CAMTA1: variants seen among roughly 807,000 people sequenced by gnomAD.
CAMTA1 encodes the protein calmodulin-binding transcription activator 1.
A neutral mutation model predicts 170.9 loss-of-function variants in CAMTA1; 27 were observed. That is an observed-to-expected ratio of 0.16 (90% CI 0.12 to 0.22). The LOEUF (loss-of-function observed/expected upper bound fraction) is 0.22, where lower values mean the gene tolerates loss of function less well. Among genes scored for constraint, CAMTA1 ranks in the 10% least tolerant of loss-of-function variants. The pLI, the probability that CAMTA1 is intolerant of heterozygous loss-of-function variation, is 1.00. For missense variants in CAMTA1, 1,619 were observed against 2,217.2 expected (o/e 0.73, Z 5.42); for synonymous variants, 833 against 891.5 (o/e 0.93, Z 1.17).
At position 7,635,578 on chromosome 1, in the gene CAMTA1, C is replaced by T. The variant is rs2095705313; in HGVS notation, c.511-4822C>T. ...GAGCCGAGATCGCGCCACTGCACTC[C>T]AGCCTGGGGGACAGAGCAAGACTCC... On this transcript the variant is annotated intron_variant, in intron 6 of 22. Transcript: ENST00000303635. The surrounding 1 kb of genome is among the most constrained non-coding windows in gnomAD (Gnocchi z 4.4). 6.7e-6 allele frequency among the ~76,000 whole-genome samples: 1 copy of T among 148,636 alleles called. No individual in the cohort carries two copies. Among genetic ancestry groups the T allele is most frequent in the Non-Finnish European group, 1.5e-5 (1 of 67,694 alleles).
chr1:7,579,189 C>T (rs535734223), intron 6 of CAMTA1, among the ~76,000 whole-genome samples: 1 of 152,364 alleles, frequency 6.6e-6, no homozygotes, highest in Admixed American at 6.5e-5. Context: ...GGCACCAAGG[C>T]TGCCCCTCCA....
At chr1:7,341,391 C>T (rs755669091) in intron 5 of CAMTA1, among the ~76,000 whole-genome samples, 3 of 152,256 alleles carry the variant, frequency 2.0e-5, no homozygotes, top group Non-Finnish European at 2.9e-5. Context: ...GAATGAGACA[C>T]CCGCCAGGAG....
intron 3 of CAMTA1, among the ~76,000 whole-genome samples, chr1:7,048,944 A>G (rs964477894): frequency 4.6e-5 from 7 of 152,202 alleles, no homozygotes; most frequent in Non-Finnish European, 7.3e-5. Flanking sequence ...CAGCTTTAGG[A>G]ATTAGTTTAA....
At chr1:7,281,311 T>A (rs1056868815) in intron 5 of CAMTA1, among the ~76,000 whole-genome samples, 34 of 152,344 alleles carry the variant, frequency 2.2e-4, no homozygotes, top group Admixed American at 1.5e-3. Flanking sequence ...GGTATATATT[T>A]AATAAATTGA....
At chr1:6,873,752 ACATT>A (rs940460294) in intron 3 of CAMTA1, among the ~76,000 whole-genome samples, 4 of 152,266 alleles carry the variant, frequency 2.6e-5, no homozygotes, top group African/African-American at 9.6e-5. Context: ...GTACATGGAC[ACATT>A]TATGGCTTAT....
chr1:7,047,240 A>G (rs1705537919), intron 3 of CAMTA1, among the ~76,000 whole-genome samples: 2 of 152,170 alleles, frequency 1.3e-5, no homozygotes, highest in Admixed American at 6.5e-5. Flanking sequence ...GTTAGGGTCA[A>G]TTGTTATTGT....
At chr1:7,314,735 A>C (rs965030329) in intron 5 of CAMTA1, among the ~76,000 whole-genome samples, 1 of 152,132 alleles carries the variant, frequency 6.6e-6, no homozygotes, top group Non-Finnish European at 1.5e-5. Flanking sequence ...CTATTGACAA[A>C]TCTTTCACAT....
intron 5 of CAMTA1, among the ~76,000 whole-genome samples, chr1:7,404,955 TG>T (rs2090184688): frequency 6.6e-6 from 1 of 152,214 alleles, no homozygotes; most frequent in African/African-American, 2.4e-5. Context: ...TTCTGTTTTT[TG>T]TTTTTTTTAG....
At position 7,685,589 on chromosome 1, in the gene CAMTA1, C is replaced by T. The variant is rs1244809048; in HGVS notation, c.2914+7856C>T. ...ACTCCCCTGCTTGCTCCTCAGTCTC[C>T]AAGCTTCTCCTTCCAAAATTCTCTG... is the stretch of plus-strand genomic sequence containing the variant. On this transcript the variant is annotated intron_variant, in intron 11 of 22. Transcript: ENST00000303635. This position sits in a 1 kb window ranked among gnomAD's most constrained non-coding sequence, Gnocchi z 5.7. 1.3e-5 allele frequency among the ~76,000 whole-genome samples: 2 copies of T among 152,170 alleles called. No individual in the cohort carries two copies. Among genetic ancestry groups the T allele is most frequent in the African/African-American group, 4.8e-5 (2 of 41,432 alleles).
At chr1:7,132,075 A>G (rs986789929) in intron 4 of CAMTA1, among the ~76,000 whole-genome samples, 12 of 151,292 alleles carry the variant, frequency 7.9e-5, no homozygotes, top group Admixed American at 2.6e-4. Context: ...ACACACACGC[A>G]CACACACTCC....
At chr1:7,726,894 T>C (rs2096691436) in intron 11 of CAMTA1, among the ~76,000 whole-genome samples, 1 of 152,214 alleles carries the variant, frequency 6.6e-6, no homozygotes, top group Admixed American at 6.5e-5. Context: ...CTGAGCCTCA[T>C]GTGCCCATGG....
intron 5 of CAMTA1, among the ~76,000 whole-genome samples, chr1:7,276,297 A>ATTTTTT (rs1431072819): frequency 9.3e-5 from 2 of 21,556 alleles, no homozygotes; most frequent in African/African-American, 5.0e-4. Context: ...ATATATATAT[A>ATTTTTT]TATATATTTT....
intron 6 of CAMTA1, among the ~76,000 whole-genome samples, chr1:7,613,426 C>A (rs1398521131): frequency 6.6e-6 from 1 of 152,006 alleles, no homozygotes; most frequent in Non-Finnish European, 1.5e-5. Flanking sequence ...CTGGGTGGTC[C>A]CCCAGGCCGT....
At chr1:6,826,151 A>G (rs991330364) in intron 3 of CAMTA1, among the ~76,000 whole-genome samples, 5 of 152,190 alleles carry the variant, frequency 3.3e-5, no homozygotes, top group African/African-American at 1.2e-4. Flanking sequence ...GGCGCTAACT[A>G]CTTCCTGATT....
intron 3 of CAMTA1, among the ~76,000 whole-genome samples, chr1:6,830,502 C>CAT: frequency 6.6e-6 from 1 of 151,978 alleles, no homozygotes; most frequent in East Asian, 1.9e-4. Context: ...CGCCACCATG[C>CAT]CTGGCTAATT....
chr1:7,086,962 CTTGTGT>C (rs1640825962), intron 3 of CAMTA1, among the ~76,000 whole-genome samples: 6 of 152,206 alleles, frequency 3.9e-5, no homozygotes, highest in African/African-American at 1.4e-4. Flanking sequence ...TCAAGCCAGA[CTTGTGT>C]TTGAGGGGCT....
intron 5 of CAMTA1, among the ~76,000 whole-genome samples, chr1:7,318,086 C>T (rs1677806994): frequency 6.6e-6 from 1 of 152,328 alleles, no homozygotes; most frequent in South Asian, 2.1e-4. Context: ...GACGGCAAGG[C>T]TGACGTCAGG....
At chr1:7,632,779 G>C (rs1235318496) in intron 6 of CAMTA1, among the ~76,000 whole-genome samples, 1 of 152,222 alleles carries the variant, frequency 6.6e-6, no homozygotes, top group Non-Finnish European at 1.5e-5. Context: ...TGGGTGACTT[G>C]AGTCCCCTCC....
chr1:7,180,511 C>T (rs981134162), intron 4 of CAMTA1, among the ~76,000 whole-genome samples: 16 of 71,168 alleles, frequency 2.2e-4, no homozygotes, highest in Middle Eastern at 0.016. Context: ...TGTCACTAGA[C>T]TTTTTTTTTT....
Sources: gnomAD v4.1 joint callset for allele counts (sites outside exome capture counted in the v4.1 genomes callset) on GRCh38, gnomAD v4.1.1 for gene constraint, Gnocchi (gnomAD v3.1) non-coding constraint, MANE v1.5 for transcripts, NCBI Gene and HGNC (gene_info 2026-07-23, HGNC 2026-07-21) for gene names.